Variants in MYO9B observed in about 807,000 individuals in gnomAD.
The protein encoded by MYO9B is unconventional myosin-IXb.
In MYO9B, 71 loss-of-function variants were observed where a neutral mutation model predicts 229.5. That is an observed-to-expected ratio of 0.31 (90% CI 0.26 to 0.38). The LOEUF is 0.38. Ranked by LOEUF, MYO9B falls within the 10% of genes least tolerant of loss-of-function variation. MYO9B has a pLI of 1.00. For synonymous variants in MYO9B, 1,185 were observed against 1,235.8 expected, an observed-to-expected ratio of 0.96 and a Z score of 0.86; for missense variants, 2,255 against 2,920.5, an observed-to-expected ratio of 0.77 and a Z score of 5.25.
intron 14 of MYO9B, among the ~76,000 whole-genome samples, chr19:17,179,034 A>AG (rs1466076976): frequency 3.3e-5 from 5 of 151,504 alleles, no homozygotes; most frequent in Non-Finnish European, 7.4e-5. Context: ...CTGTAAAAAA[A>AG]AAAAAAAAAA....
intron 13 of MYO9B, among the ~76,000 whole-genome samples, chr19:17,174,268 C>T (rs112151283): frequency 0.063 from 9,551 of 152,010 alleles, 390 homozygotes; most frequent in Non-Finnish European, 0.094. Flanking sequence ...CCTGACCTCA[C>T]GATCCGTCTG....
At chr19:17,174,154 TAA>T (rs2072756768) in intron 13 of MYO9B, among the ~76,000 whole-genome samples, 1 of 148,642 alleles carries the variant, frequency 6.7e-6, no homozygotes, top group Non-Finnish European at 1.5e-5. Context: ...CTCAGCCTCC[TAA>T]GTAGCTGCGA....
At chr19:17,130,560 G>A (rs1345060527) in intron 2 of MYO9B, among the ~76,000 whole-genome samples, 1 of 151,684 alleles carries the variant, frequency 6.6e-6, no homozygotes, top group Non-Finnish European at 1.5e-5. Flanking sequence ...GCGGAGCTTG[G>A]AGTGAGCCGA....
At chr19:17,084,146 G>C (rs2057560219) in intron 1 of MYO9B, among the ~76,000 whole-genome samples, 1 of 151,890 alleles carries the variant, frequency 6.6e-6, no homozygotes, top group Non-Finnish European at 1.5e-5. Context: ...GACCAGCCTT[G>C]GCAACATAGT....
intron 1 of MYO9B, among the ~76,000 whole-genome samples, chr19:17,084,639 A>G: frequency 6.6e-6 from 1 of 151,384 alleles, no homozygotes; most frequent in African/African-American, 2.4e-5. Flanking sequence ...TGAGGCAGGC[A>G]GATCACTTGA....
intron 1 of MYO9B, among the ~76,000 whole-genome samples, chr19:17,097,478 ATTAGG>A (rs1253466526): frequency 6.6e-6 from 1 of 152,222 alleles, no homozygotes; most frequent in Non-Finnish European, 1.5e-5. Flanking sequence ...CAAGGAAAGA[ATTAGG>A]TTTTACAGCT....
intron 2 of MYO9B, among the ~76,000 whole-genome samples, chr19:17,121,126 A>G (rs1327409161): frequency 6.6e-6 from 1 of 152,122 alleles, no homozygotes; most frequent in Admixed American, 6.6e-5. Flanking sequence ...TATTTTTAGT[A>G]GAGATGGGGT....
At chr19:17,149,998 G>C (rs183902359) in intron 3 of MYO9B, among the ~76,000 whole-genome samples, 184 of 152,300 alleles carry the variant, frequency 1.2e-3, no homozygotes, top group African/African-American at 4.2e-3. Flanking sequence ...TTACTAGCCC[G>C]GCAAAGGAAT....
rs970591813 is a variant in MYO9B at position 17,186,079 on chromosome 19, C to G, written c.2577+78C>G. 5 of 1,307,314 alleles carry G rather than the reference C, an allele frequency of 3.8e-6. No homozygotes were observed. The East Asian group carries it at 1.2e-4, about 30-fold the overall frequency. The allele number at this position is 1,307,314 out of a possible 1,614,324, so 81.0% of individuals were successfully genotyped here. On this transcript the variant is annotated intron_variant, in intron 18 of 39. Transcript: ENST00000682292. ...GGTGTCGGTGTCCCTGCATCCAGCCCCAGCCTCCACGCAGTATGGGGGACG... is the reference window on the plus strand; with the variant it reads ...GGTGTCGGTGTCCCTGCATCCAGCCGCAGCCTCCACGCAGTATGGGGGACG...
intron 19 of MYO9B, among the ~76,000 whole-genome samples, chr19:17,188,428 CAAAAAAAAAAAAA>C (rs1182917762): frequency 1.1e-5 from 1 of 92,554 alleles, no homozygotes; most frequent in Non-Finnish European, 2.2e-5. Context: ...GACTCCATCT[CAAAAAAAAAAAAA>C]AAAAAAAAAG....
Position 17,210,787 on chromosome 19 carries a change from G to A in MYO9B, c.5869G>A (p.Gly1957Ser), listed in dbSNP as rs199522818. 2.4e-4 allele frequency: 379 copies of A among 1,588,240 alleles called. 1 individual carries two copies. Among genetic ancestry groups the A allele is most frequent in the African/African-American group, 7.4e-4 (55 of 74,410 alleles). The change falls in exon 38 of 40, where the codon GGC becomes AGC. Residue 1957 changes from glycine to serine, a missense_variant. Around this residue, in one of 7 missense-constraint regions of MYO9B, gnomAD observed 331 missense variants for 332.5 expected, o/e 1.00. Transcript: ENST00000682292. ...EVLLEEEAAG[G>S]DEDREKEILI... ...GCTGCTGGAGGAGGAGGCAGCCGGC[G>A]GCGATGAGGACCGGGAAAAGGAGAT...
intron 2 of MYO9B, 80 bp from the exon 3 acceptor site, chr19:17,145,317 C>T (rs2072395647): frequency 8.1e-7 from 1 of 1,231,596 alleles, no homozygotes; most frequent in Non-Finnish European, 1.2e-6. Flanking sequence ...AATATAAAAG[C>T]ACAGTGTAAA....
intron 2 of MYO9B, among the ~76,000 whole-genome samples, chr19:17,104,055 CA>C (rs34012365): frequency 0.29 from 39,983 of 135,788 alleles, 5,657 homozygotes; most frequent in Non-Finnish European, 0.34. Context: ...AACTCCATCT[CA>C]AAAAAAAAAA....
chr19:17,163,361 A>G (rs908282616), intron 10 of MYO9B, among the ~76,000 whole-genome samples: 3 of 105,024 alleles, frequency 2.9e-5, no homozygotes, highest in Non-Finnish European at 3.9e-5. Flanking sequence ...CCCTGAACTC[A>G]CCCCATTCCA....
At chr19:17,108,446 G>A (rs1331052999) in intron 2 of MYO9B, among the ~76,000 whole-genome samples, 1 of 152,132 alleles carries the variant, frequency 6.6e-6, no homozygotes, top group African/African-American at 2.4e-5. Flanking sequence ...GAAGGACATT[G>A]AGCAGCATCC....
chr19:17,111,251 C>G (rs2057845385), intron 2 of MYO9B, among the ~76,000 whole-genome samples: 1 of 152,154 alleles, frequency 6.6e-6, no homozygotes, highest in South Asian at 2.1e-4. Context: ...CTGAGGCACA[C>G]GAGCTGCTCA....
intron 11 of MYO9B, among the ~76,000 whole-genome samples, chr19:17,170,165 G>A (rs1328378414): frequency 6.6e-6 from 1 of 151,860 alleles, no homozygotes; most frequent in African/African-American, 2.4e-5. Flanking sequence ...CCAAAGTGCT[G>A]GGACCATAGG....
chr19:17,169,422 C>A (rs1257250503), intron 11 of MYO9B, among the ~76,000 whole-genome samples: 2 of 149,576 alleles, frequency 1.3e-5, no homozygotes, highest in African/African-American at 4.9e-5. Context: ...AATTTTTAAC[C>A]AGCCTGGCCA....
rs1334941234 is a variant in MYO9B at position 17,194,964 on chromosome 19, C to T, written c.3537C>T (p.Ser1179=). Residue 1179 remains serine, a synonymous_variant, in exon 22 of 40, where the codon TCC becomes TCT. Coordinates refer to ENST00000682292, the MANE Select transcript of MYO9B (RefSeq NM_004145.4). The stretch of plus-strand genomic sequence containing the variant: ...AGGAGAGTGCCCTCAGAGAACCTTC[C>T]AGAAGGGTCACCCAGGAGCAAGGGG... ...CKEESALREP[S]RRVTQEQGVS... The T allele has an allele frequency of 1.9e-6, 3 of 1,613,370 alleles. No homozygotes were observed. The highest frequency in any genetic ancestry group is 2.2e-5 in the South Asian group (2 of 91,078).
Sources: gnomAD v4.1 joint callset for allele counts (sites outside exome capture counted in the v4.1 genomes callset) on GRCh38, gnomAD v4.1.1 for gene constraint, gnomAD v4.1.1 regional missense constraint, MANE v1.5 for transcripts, NCBI Gene and HGNC (gene_info 2026-07-23, HGNC 2026-07-21) for gene names.